CDC42EP3: variants seen among roughly 807,000 people sequenced by gnomAD.
CDC42EP3 encodes the protein CDC42 effector protein (Rho GTPase binding) 3.
Under a neutral mutation model 15.5 loss-of-function variants are expected in CDC42EP3, and 4 were observed. That is an observed-to-expected ratio of 0.26 (90% confidence interval 0.13 to 0.59). The LOEUF is 0.59. Ranked by LOEUF, CDC42EP3 falls within the 20% of genes least tolerant of loss-of-function variation. CDC42EP3 has a pLI of 0.89. For missense variants in CDC42EP3, 309 were observed against 311.2 expected (o/e 0.99, Z 0.05); for synonymous variants, 145 against 130.3 (o/e 1.11, Z -0.77).
chr2:37,666,813 C>CTT (rs11311656), intron 1 of CDC42EP3, among the ~76,000 whole-genome samples: 171 of 148,134 alleles, frequency 1.2e-3, no homozygotes, highest in Admixed American at 3.6e-3. Flanking sequence ...AAGGAGAAAG[C>CTT]TTTTTTTTTT....
rs566276907 is a variant in CDC42EP3, at chr2:37,648,908, G to C, written c.-235-2086C>G. Among the ~76,000 whole-genome samples, 87 of 152,264 alleles carry C rather than the reference G, an allele frequency of 5.7e-4. 1 individual carries two copies. The South Asian group carries it at 0.018, about 31-fold the overall frequency. On this transcript the variant is annotated intron_variant, in intron 1 of 1. Coordinates refer to ENST00000295324, the MANE Select transcript of CDC42EP3 (RefSeq NM_006449.5). The stretch of plus-strand genomic sequence containing the variant: ...GAGCAGCTGGGTGGCCTGAGGAACA[G>C]CTGCCCACAGGAGTGGTGTCCTCAG...
intron 1 of CDC42EP3, among the ~76,000 whole-genome samples, chr2:37,650,462 T>A (rs1392820682): frequency 2.0e-5 from 3 of 152,240 alleles, no homozygotes; most frequent in Non-Finnish European, 4.4e-5. Context: ...CAGCACTTGA[T>A]ACAAGTCGGT....
chr2:37,656,983 C>A (rs1665873234), intron 1 of CDC42EP3, among the ~76,000 whole-genome samples: 1 of 84,900 alleles, frequency 1.2e-5, no homozygotes, highest in Non-Finnish European at 2.2e-5. Context: ...AACAAAGCCC[C>A]CCCCCCACCC....
intron 1 of CDC42EP3, among the ~76,000 whole-genome samples, chr2:37,656,882 C>G (rs574630352): frequency 6.6e-6 from 1 of 151,456 alleles, no homozygotes; most frequent in Non-Finnish European, 1.5e-5. Context: ...CTCTAACTCA[C>G]TAGGACTTTT....
chr2:37,671,820 C>CAGGGGT (rs375003967), upstream of CDC42EP3: 5 of 149,330 alleles, frequency 3.3e-5, no homozygotes, highest in South Asian at 3.9e-4. Context: ...GGCGCGCGCG[C>CAGGGGT]GGGGGGGGGT....
Position 37,643,554 on chromosome 2 carries a change from G to C in CDC42EP3, c.*2269C>G, listed in dbSNP as rs1315625843. The C allele has an allele frequency of 6.6e-6, 1 of 152,172 alleles. No homozygotes were observed. Among genetic ancestry groups the C allele is most frequent in the East Asian group, 1.9e-4 (1 of 5,202 alleles). The allele number at this position is 152,172 out of a possible 1,614,324, so 9.4% of individuals were successfully genotyped here. A position where few individuals can be genotyped will look rare whatever the true frequency, so the allele number is the denominator to read the frequency against. On this transcript the variant is annotated 3_prime_UTR_variant, in exon 2 of 2. Transcript: ENST00000295324. ...TACTGGCAGGGCTGTTCTCTCCCCA[G>C]TACTTACCAGAGAGGGAGTAGAGCT...
chr2:37,646,503 C>T lies in CDC42EP3; in HGVS notation c.85G>A (p.Asp29Asn). 2.5e-6 allele frequency: 4 copies of T among 1,604,804 alleles called. No individual in the cohort carries two copies. Among genetic ancestry groups the T allele is most frequent in the Non-Finnish European group, 3.4e-6 (4 of 1,177,416 alleles). ...TCTCCAAGCGGGGGACTGATCATAT[C>T]AGGAGACAGAATGTCCCTCAGTTTA... ...KFKLRDILSP[D>N]MISPPLGDFR... is the part of the protein sequence containing the mutation. The change falls in exon 2 of 2, where the codon GAT (aspartate) becomes AAT (asparagine). Residue 29 changes from aspartate to asparagine, a missense_variant. Coordinates refer to ENST00000295324, the MANE Select transcript of CDC42EP3 (RefSeq NM_006449.5).
At chr2:37,652,299 C>T (rs139038930) in intron 1 of CDC42EP3, among the ~76,000 whole-genome samples, 115 of 151,504 alleles carry the variant, frequency 7.6e-4, no homozygotes, top group Non-Finnish European at 1.3e-3. Flanking sequence ...GCTTTGCGTT[C>T]TGCCCAGAAG....
chr2:37,663,316 G>A (rs190627399), intron 1 of CDC42EP3, among the ~76,000 whole-genome samples: 30 of 152,308 alleles, frequency 2.0e-4, no homozygotes, highest in African/African-American at 5.8e-4. Context: ...AGTTGAGGCC[G>A]CAGCAATGAT....
At chr2:37,665,302 C>G (rs1408773021) in intron 1 of CDC42EP3, among the ~76,000 whole-genome samples, 1 of 152,102 alleles carries the variant, frequency 6.6e-6, no homozygotes, top group Non-Finnish European at 1.5e-5. Flanking sequence ...CATCCCCACC[C>G]TCCCACTCTG....
rs117985567 is a variant in CDC42EP3, at chr2:37,664,728, G to A, written c.-236+6698C>T. On this transcript the variant is annotated intron_variant, in intron 1 of 1. Transcript: ENST00000295324. ...ATTCAGTCCCTATCCTTGAGGAGCC[G>A]GTAGTCTAATTAGGCAGGCACTTGC... 5.3e-5 allele frequency among the ~76,000 whole-genome samples: 8 copies of A among 152,280 alleles called. No homozygotes were observed. In the East Asian group the frequency reaches 1.4e-3, roughly 26 times the overall value.
At chr2:37,659,788 G>C (rs183836618) in intron 1 of CDC42EP3, among the ~76,000 whole-genome samples, 1 of 152,326 alleles carries the variant, frequency 6.6e-6, no homozygotes, top group African/African-American at 2.4e-5. Flanking sequence ...ACAGTCTATA[G>C]AAAAGGGTTG....
chr2:37,668,316 A>G (rs1402159031), intron 1 of CDC42EP3, among the ~76,000 whole-genome samples: 1 of 152,220 alleles, frequency 6.6e-6, no homozygotes, highest in Non-Finnish European at 1.5e-5. Context: ...GTACCTAGGA[A>G]AAAAACAAAA....
At chr2:37,652,845 C>CT (rs1198427003) in intron 1 of CDC42EP3, among the ~76,000 whole-genome samples, 1 of 152,124 alleles carries the variant, frequency 6.6e-6, no homozygotes, top group African/African-American at 2.4e-5. Context: ...AGCAGCTAGG[C>CT]TTACAGATGA....
Position 37,671,540 on chromosome 2 carries a change from T to C in CDC42EP3, c.-350A>G, listed in dbSNP as rs906739580. 1.3e-5 allele frequency: 2 copies of C among 152,150 alleles called. No homozygotes were observed. Among genetic ancestry groups the C allele is most frequent in the Non-Finnish European group, 2.9e-5 (2 of 68,020 alleles). The allele number at this position is 152,150 out of a possible 1,614,324, so 9.4% of individuals were successfully genotyped here. On this transcript the variant is annotated 5_prime_UTR_variant, in exon 1 of 2. It adds an upstream start codon to the 5' untranslated region. Coordinates refer to ENST00000295324, the MANE Select transcript of CDC42EP3 (RefSeq NM_006449.5). ...CCGGCGTGGTGCCTGCTCACCGCAT[T>C]ATCCGCTCCGAGACGGCGTGAAGGC...
At chr2:37,654,138 G>A (rs1308101521) in intron 1 of CDC42EP3, among the ~76,000 whole-genome samples, 2 of 152,074 alleles carry the variant, frequency 1.3e-5, no homozygotes, top group South Asian at 4.1e-4. Context: ...ACCCTCCGCC[G>A]CCTCCCTACC....
intron 1 of CDC42EP3, among the ~76,000 whole-genome samples, chr2:37,649,041 A>G (rs1312089193): frequency 2.0e-5 from 3 of 151,868 alleles, no homozygotes; most frequent in Non-Finnish European, 4.4e-5. Context: ...AGGGTTATGC[A>G]AGGCCAGGTC....
At chr2:37,658,306 A>AT (rs1424220954) in intron 1 of CDC42EP3, among the ~76,000 whole-genome samples, 2 of 152,128 alleles carry the variant, frequency 1.3e-5, no homozygotes, top group African/African-American at 2.4e-5. Flanking sequence ...TGACCAACAG[A>AT]TTTTTTTCTT....
intron 1 of CDC42EP3, among the ~76,000 whole-genome samples, chr2:37,658,483 T>A (rs181999470): frequency 9.6e-4 from 146 of 152,266 alleles, no homozygotes; most frequent in Non-Finnish European, 4.4e-4. Context: ...TTGAAAAGCA[T>A]TGATTGGCCT....
Sources: gnomAD v4.1 joint callset for allele counts (sites outside exome capture counted in the v4.1 genomes callset) on GRCh38, gnomAD v4.1.1 for gene constraint, MANE v1.5 for transcripts, NCBI Gene and HGNC (gene_info 2026-07-23, HGNC 2026-07-21) for gene names.